Variants in RBM18 observed in about 807,000 individuals in gnomAD.
RBM18 encodes probable RNA-binding protein 18.
RBM18 carries 18 observed loss-of-function variants against 26.4 expected under a neutral mutation model. The ratio of observed to expected loss-of-function variants is 0.68; its 90% confidence interval spans 0.47 to 1.01. The LOEUF (loss-of-function observed/expected upper bound fraction) is 1.01. RBM18 is among the 50% of genes least tolerant of loss of function. The pLI, the probability that RBM18 is intolerant of heterozygous loss-of-function variation, is 0.00. For missense variants in RBM18, 180 were observed against 219.2 expected (o/e 0.82, Z 1.13); for synonymous variants, 74 against 81.1 (o/e 0.91, Z 0.47).
intron 2 of RBM18, among the ~76,000 whole-genome samples, chr9:122,259,094 T>C (rs1300490387): frequency 1.3e-5 from 2 of 152,120 alleles, no homozygotes; most frequent in Non-Finnish European, 2.9e-5. Flanking sequence ...AGAGCAGAGA[T>C]ATCAGTGGGA....
At position 122,242,061 on chromosome 9, in the gene RBM18, G is replaced by A. The variant is rs1831430411; in HGVS notation, c.414-18C>T. The A allele has an allele frequency of 1.2e-6, 2 of 1,613,518 alleles. No homozygotes were observed. The highest frequency in any genetic ancestry group is 2.2e-5 in the East Asian group (1 of 44,866). ...CAGTGACACTGGAAAAATAATAGCA[G>A]AGGATCAGAGTGGGCCTAGGTATAT... On this transcript the variant is annotated intron_variant, in intron 5 of 5. Coordinates refer to ENST00000417201, the MANE Select transcript of RBM18 (RefSeq NM_033117.4).
intron 5 of RBM18, among the ~76,000 whole-genome samples, chr9:122,244,300 G>A (rs1460860496): frequency 6.6e-6 from 1 of 152,112 alleles, no homozygotes; most frequent in African/African-American, 2.4e-5. Flanking sequence ...ATACAAGAAA[G>A]GCATTTATTT....
chr9:122,244,823 T>G (rs948472996), intron 5 of RBM18, among the ~76,000 whole-genome samples: 1 of 152,214 alleles, frequency 6.6e-6, no homozygotes, highest in South Asian at 2.1e-4. Context: ...GAACCAAAAC[T>G]GTTATGGCTG....
chr9:122,263,170 C>T (rs924943414), intron 1 of RBM18, among the ~76,000 whole-genome samples: 1 of 152,164 alleles, frequency 6.6e-6, no homozygotes, highest in Non-Finnish European at 1.5e-5. Context: ...TCTCAGCACA[C>T]CCTGTAAAGT....
chr9:122,257,556 A>G (rs1333756022), intron 2 of RBM18, among the ~76,000 whole-genome samples: 1 of 152,226 alleles, frequency 6.6e-6, no homozygotes, highest in Non-Finnish European at 1.5e-5. Context: ...ACTGATAGAC[A>G]TCCTAGTGTA....
chr9:122,250,071 A>AAAAAAAAAAAAC (rs1316691454), intron 3 of RBM18, among the ~76,000 whole-genome samples: 1 of 151,378 alleles, frequency 6.6e-6, no homozygotes, highest in East Asian at 1.9e-4. Context: ...CCTTATTTAA[A>AAAAAAAAAAAAC]AAAAAAAAAG....
Position 122,261,415 on chromosome 9 carries a change from T to G in RBM18, c.78A>C (p.Arg26=). The G allele has an allele frequency of 1.2e-6, 2 of 1,614,172 alleles. No individual in the cohort carries two copies. The highest frequency in any genetic ancestry group is 2.2e-5 in the East Asian group (1 of 44,876). Residue 26 remains arginine (R), a synonymous_variant, in exon 2 of 6, where the codon CGA becomes CGC. Coordinates refer to ENST00000417201, the MANE Select transcript of RBM18 (RefSeq NM_033117.4). ...LSEGSLQEGH[R]LWIGNLDPKI... ...TGGGGTCCAGGTTGCCAATCCATAA[T>G]CGGTGTCCTTCCTGCAGAGAGCCCT...
chr9:122,263,381 C>T (rs1297730902), intron 1 of RBM18, among the ~76,000 whole-genome samples: 1 of 152,218 alleles, frequency 6.6e-6, no homozygotes, highest in Non-Finnish European at 1.5e-5. Flanking sequence ...AAAGGTGAAA[C>T]AGACATAAAT....
At position 122,248,358 on chromosome 9, in the gene RBM18, C is replaced by T. The variant is rs573717776; in HGVS notation, c.241-754G>A. Reference sequence around the variant, plus strand: ...TAGGTGATAGACATATATGCACTTCCGTTAGGTAGGGTAGCACCTCCTATG... The same window carrying T: ...TAGGTGATAGACATATATGCACTTCTGTTAGGTAGGGTAGCACCTCCTATG... On this transcript the variant is annotated intron_variant, in intron 3 of 5. Transcript: ENST00000417201. Among the ~76,000 whole-genome samples, 168 of 152,206 alleles carry T rather than the reference C, an allele frequency of 1.1e-3. 1 individual carries two copies. The highest frequency in any genetic ancestry group is 3.9e-3 in the African/African-American group (160 of 41,524).
Position 122,252,144 on chromosome 9 carries a change from T to A in RBM18, c.114-171A>T, listed in dbSNP as rs546949052. 1.9e-3 allele frequency among the ~76,000 whole-genome samples: 286 copies of A among 152,350 alleles called. 3 individuals are homozygous for A. Among genetic ancestry groups the A allele is most frequent in the Middle Eastern group, 6.8e-3 (2 of 294 alleles). On this transcript the variant is annotated intron_variant, in intron 2 of 5. Transcript: ENST00000417201. Reference sequence around the variant, plus strand: ...AGTTTATTTGGCAAACAGAGTTGTTTGCCTCTATTTGGTATGGGAACTAGA... The same window carrying A: ...AGTTTATTTGGCAAACAGAGTTGTTAGCCTCTATTTGGTATGGGAACTAGA...
intron 3 of RBM18, among the ~76,000 whole-genome samples, chr9:122,248,654 C>G (rs1831546708): frequency 6.6e-6 from 1 of 152,214 alleles, no homozygotes; most frequent in Non-Finnish European, 1.5e-5. Flanking sequence ...AGCTGGCTAA[C>G]AGTCACTCTA....
chr9:122,264,407 TG>T (rs576187238), intron 1 of RBM18, among the ~76,000 whole-genome samples: 64 of 152,342 alleles, frequency 4.2e-4, no homozygotes, highest in African/African-American at 1.5e-3. Flanking sequence ...CGGTTACATT[TG>T]TCTTTCCAGC....
chr9:122,257,104 C>G (rs1189676080), intron 2 of RBM18, among the ~76,000 whole-genome samples: 4 of 152,216 alleles, frequency 2.6e-5, no homozygotes, highest in Non-Finnish European at 5.9e-5. Flanking sequence ...GAGACAGCGT[C>G]TTGCTCTGTC....
At position 122,240,564 on chromosome 9, in the gene RBM18, T is replaced by A. The variant is rs1460460628; in HGVS notation, c.*1320A>T. ...ATAAACATTCTGTCATCACCAAGAA[T>A]GGCACCTGGAGTAACAAAGTGATAC... On this transcript the variant is annotated 3_prime_UTR_variant, in exon 6 of 6. Transcript: ENST00000417201. 1 of 152,196 alleles carries A rather than the reference T, an allele frequency of 6.6e-6. No individual in the cohort carries two copies. The highest frequency in any genetic ancestry group is 1.5e-5 in the Non-Finnish European group (1 of 68,044). The allele number at this position is 152,196 out of a possible 1,614,324, so 9.4% of individuals were successfully genotyped here.
chr9:122,252,634 G>A (rs919244523), intron 2 of RBM18, among the ~76,000 whole-genome samples: 2 of 152,200 alleles, frequency 1.3e-5, no homozygotes, highest in African/African-American at 2.4e-5. Context: ...GACTGAGGCC[G>A]GTTTCACAAA....
intron 2 of RBM18, among the ~76,000 whole-genome samples, chr9:122,260,438 C>G (rs1831771534): frequency 6.6e-6 from 1 of 152,202 alleles, no homozygotes; most frequent in African/African-American, 2.4e-5. Flanking sequence ...CTGCCACCAA[C>G]CACCACCCTC....
rs1831363128 is a variant in RBM18, at chr9:122,238,469, G to A, written c.*3415C>T. ...ATCATTAACATTTGAGCAGAGACAT[G>A]AGTCAGGTGAGAGAGCGGGCTCTGC... On this transcript the variant is annotated 3_prime_UTR_variant, in exon 6 of 6. Transcript: ENST00000417201. 6.6e-6 allele frequency: 1 copy of A among 152,232 alleles called. No homozygotes were observed. Among genetic ancestry groups the A allele is most frequent in the African/African-American group, 2.4e-5 (1 of 41,462 alleles). The allele number at this position is 152,232 out of a possible 1,614,324, so 9.4% of individuals were successfully genotyped here. A position where few individuals can be genotyped will look rare whatever the true frequency, so the allele number is the denominator to read the frequency against.
At chr9:122,257,809 A>T (rs561494129) in intron 2 of RBM18, among the ~76,000 whole-genome samples, 1 of 152,346 alleles carries the variant, frequency 6.6e-6, no homozygotes, top group East Asian at 1.9e-4. Flanking sequence ...GTAGGGACAC[A>T]TATAAGAAAG....
At chr9:122,252,389 C>T (rs918595388) in intron 2 of RBM18, among the ~76,000 whole-genome samples, 1 of 139,968 alleles carries the variant, frequency 7.1e-6, no homozygotes, top group Non-Finnish European at 1.5e-5. Flanking sequence ...AAAGACAAAG[C>T]CTATCCTATC....
Sources: gnomAD v4.1 joint callset for allele counts (sites outside exome capture counted in the v4.1 genomes callset) on GRCh38, gnomAD v4.1.1 for gene constraint, MANE v1.5 for transcripts, NCBI Gene and HGNC (gene_info 2026-07-23, HGNC 2026-07-21) for gene names.